The following RNF157 variants were observed in gnomAD, a reference collection of about 807,000 sequenced individuals.
The protein encoded by RNF157 is E3 ubiquitin ligase RNF157.
Under a neutral mutation model 88.3 loss-of-function variants are expected in RNF157, and 55 were observed. The ratio of observed to expected loss-of-function variants is 0.62; its 90% CI spans 0.50 to 0.78. RNF157 has a LOEUF of 0.78. RNF157 is among the 30% of genes least tolerant of loss of function. RNF157 has a pLI of 0.00. For missense variants in RNF157, 788 were observed against 860.8 expected, an observed-to-expected ratio of 0.92 and a Z score of 1.06; for synonymous variants, 334 against 341.2, an observed-to-expected ratio of 0.98 and a Z score of 0.23.
At chr17:76,222,764 G>C (rs1288882046) in intron 1 of RNF157, among the ~76,000 whole-genome samples, 6 of 152,128 alleles carry the variant, frequency 3.9e-5, no homozygotes, top group Admixed American at 1.3e-4. Flanking sequence ...CCCTGCACCT[G>C]TCTCTCCATC....
Position 76,146,980 on chromosome 17 carries a change from T to C in RNF157, c.1922-1627A>G, listed in dbSNP as rs975446010. 12 of 985,414 alleles carry C rather than the reference T, an allele frequency of 1.2e-5. No homozygotes were observed. Among genetic ancestry groups the C allele is most frequent in the Non-Finnish European group, 1.4e-5 (12 of 829,916 alleles). 61.0% of individuals were successfully genotyped at this position (985,414 alleles called of 1,614,324 possible). A position where few individuals can be genotyped will look rare whatever the true frequency, so the allele number is the denominator to read the frequency against. On this transcript the variant is annotated intron_variant, in intron 18 of 18. Coordinates refer to ENST00000269391, the MANE Select transcript of RNF157 (RefSeq NM_052916.3). This position sits in a 1 kb window ranked among gnomAD's most constrained non-coding sequence, Gnocchi z 4.2. ...CAATGCCTTGGTGTGCTAATCCACCTCAGGCTCTAGTAACAGTCTCTGGTG... is the reference window on the plus strand; with the variant it reads ...CAATGCCTTGGTGTGCTAATCCACCCCAGGCTCTAGTAACAGTCTCTGGTG...
At chr17:76,218,715 A>G (rs935261899) in intron 1 of RNF157, among the ~76,000 whole-genome samples, 2 of 151,976 alleles carry the variant, frequency 1.3e-5, no homozygotes, top group African/African-American at 2.4e-5. Context: ...GGGCAGATCA[A>G]CTGAGGTCAG....
chr17:76,165,920 T>C (rs1422414683), intron 6 of RNF157, among the ~76,000 whole-genome samples: 1 of 151,984 alleles, frequency 6.6e-6, no homozygotes, highest in Non-Finnish European at 1.5e-5. Context: ...TCAGGTGATC[T>C]GCCCGCCTCA....
intron 18 of RNF157, among the ~76,000 whole-genome samples, chr17:76,150,846 C>T (rs1360369871): frequency 1.3e-5 from 2 of 152,220 alleles, no homozygotes; most frequent in East Asian, 3.8e-4. Flanking sequence ...CAGGTGTGTG[C>T]GTGCCCAGCA....
At chr17:76,152,803 C>T (rs1598385877) in intron 17 of RNF157, among the ~76,000 whole-genome samples, 1 of 152,218 alleles carries the variant, frequency 6.6e-6, no homozygotes, top group Non-Finnish European at 1.5e-5. Flanking sequence ...TGCGACCAAC[C>T]AGCAGAAGCT....
Position 76,161,608 on chromosome 17 carries a change from T to G in RNF157, c.992A>C (p.Lys331Thr). 6.2e-7 allele frequency: 1 copy of G among 1,614,030 alleles called. No homozygotes were observed. The highest frequency in any genetic ancestry group is 1.3e-5 in the African/African-American group (1 of 75,000). The part of the protein sequence containing the change: ...ALLQIRAMRK[K>T]LGPLSPTSFN... ...GCTGGTTGGGGACAAGGGGCCCAAT[T>G]TTTTCCTCATGGCTCGGATCTGAAG... The change falls in exon 11 of 19, where the codon AAA (lysine) becomes ACA (threonine). Residue 331 changes from lysine to threonine, a missense_variant. Lys to Thr is a moderately conservative substitution (Grantham distance 78). Transcript: ENST00000269391. The surrounding 1 kb of genome is among the most constrained non-coding windows in gnomAD (Gnocchi z 4.6).
chr17:76,169,945 A>G (rs1422103300), intron 3 of RNF157, among the ~76,000 whole-genome samples: 2 of 152,136 alleles, frequency 1.3e-5, no homozygotes, highest in African/African-American at 4.8e-5. Context: ...GGCATTCCTT[A>G]CACATCTAAG....
chr17:76,198,820 T>C (rs144408647), intron 2 of RNF157, among the ~76,000 whole-genome samples: 14 of 152,338 alleles, frequency 9.2e-5, no homozygotes, highest in African/African-American at 3.4e-4. Context: ...CCAGGCCCCT[T>C]GGTCCAGGCC....
At chr17:76,179,583 C>A (rs1280449602) in intron 2 of RNF157, among the ~76,000 whole-genome samples, 2 of 152,022 alleles carry the variant, frequency 1.3e-5, no homozygotes, top group African/African-American at 4.8e-5. Context: ...GTCCCAGCTA[C>A]TAGGGAGGCT....
chr17:76,169,595 T>TA (rs2068982342), intron 3 of RNF157, among the ~76,000 whole-genome samples: 1 of 149,804 alleles, frequency 6.7e-6, no homozygotes, highest in South Asian at 2.1e-4. Context: ...TTTTTTTTTT[T>TA]TTGAGATGAA....
rs377581288 is a variant in RNF157 at position 76,182,760 on chromosome 17, CATAT to C, written c.208-8974_208-8971del. Among the ~76,000 whole-genome samples the C allele has an allele frequency of 1.7e-3, 158 of 93,338 alleles. 6 individuals carry two copies. The highest frequency in any genetic ancestry group is 8.0e-3 in the African/African-American group (138 of 17,276). The allele number at this position is 93,338 out of a possible 152,430, so 61.2% of individuals were successfully genotyped here. ...TTGCTATTAGATTCAGGCCTCGTCT[CATAT>C]ATATATATATATATATATATATATG... On this transcript the variant is annotated intron_variant, in intron 2 of 18. Coordinates refer to ENST00000269391, the MANE Select transcript of RNF157 (RefSeq NM_052916.3).
intron 2 of RNF157, among the ~76,000 whole-genome samples, chr17:76,194,781 C>CGCGG (rs2069446437): frequency 6.6e-6 from 1 of 152,158 alleles, no homozygotes; most frequent in East Asian, 1.9e-4. Context: ...TTTGGGAGGC[C>CGCGG]AAGGTGGGCA....
intron 1 of RNF157, among the ~76,000 whole-genome samples, chr17:76,230,030 T>C (rs1598447691): frequency 6.6e-6 from 1 of 152,162 alleles, no homozygotes; most frequent in African/African-American, 2.4e-5. Flanking sequence ...CACAAATCAT[T>C]AGTAAAATCC....
chr17:76,162,113 A>C (rs2068854879), intron 9 of RNF157, 111 bp from the exon 10 acceptor site: 2 of 1,087,008 alleles, frequency 1.8e-6, no homozygotes, highest in Non-Finnish European at 2.6e-6. Context: ...TTACGAACAA[A>C]ATCTGCATTG....
In RNF157 at chr17:76,176,390, G is replaced by C. The variant is rs2069103008; in HGVS notation, c.208-2600C>G. Among the ~76,000 whole-genome samples the C allele has an allele frequency of 6.6e-6, 1 of 152,140 alleles. No homozygotes were observed. The highest frequency in any genetic ancestry group is 1.5e-5 in the Non-Finnish European group (1 of 68,016). ...AAATTCAGAGATAACAGAGAAGATGGAGGGGACAGTAGGATCAGAGGCAAA... is the reference window on the plus strand; with the variant it reads ...AAATTCAGAGATAACAGAGAAGATGCAGGGGACAGTAGGATCAGAGGCAAA... On this transcript the variant is annotated intron_variant, in intron 2 of 18. Coordinates refer to ENST00000269391, the MANE Select transcript of RNF157 (RefSeq NM_052916.3). This position sits in a 1 kb window ranked among gnomAD's most constrained non-coding sequence, Gnocchi z 4.2.
intron 18 of RNF157, 51 bp from the exon 19 acceptor site, chr17:76,145,404 A>T (rs3744036): frequency 0.16 from 224,590 of 1,423,328 alleles, 18,415 homozygotes; most frequent in African/African-American, 0.26. Flanking sequence ...GGCCAAATCC[A>T]GATGGTGTCT....
At chr17:76,166,736 T>C (rs1344921158) in intron 5 of RNF157, among the ~76,000 whole-genome samples, 1 of 152,120 alleles carries the variant, frequency 6.6e-6, no homozygotes, top group African/African-American at 2.4e-5. Context: ...ACCTCTAACC[T>C]ATAGATTTTT....
intron 1 of RNF157, among the ~76,000 whole-genome samples, chr17:76,234,183 T>G (rs1324805526): frequency 1.3e-5 from 2 of 152,350 alleles, no homozygotes; most frequent in Admixed American, 6.5e-5. Context: ...TTTTCAAGGT[T>G]CATCCAGGTT....
intron 7 of RNF157, 48 bp from the exon 8 acceptor site, chr17:76,164,843 G>A (rs770266445): frequency 2.4e-5 from 33 of 1,392,608 alleles, no homozygotes; most frequent in Non-Finnish European, 3.1e-5. Flanking sequence ...GGGTAATAAA[G>A]CACCAGGTAT....
Sources: allele counts gnomAD v4.1 joint callset (sites outside exome capture counted in the v4.1 genomes callset), GRCh38; gene constraint gnomAD v4.1.1; non-coding constraint Gnocchi (gnomAD v3.1); transcripts MANE v1.5; gene names NCBI Gene and HGNC (gene_info 2026-07-23, HGNC 2026-07-21).